Variants in TIAL1 observed in about 807,000 individuals in gnomAD.
TIAL1 encodes TIA1 cytotoxic granule associated RNA binding protein like 1, also known as nucleolysin TIAR.
In TIAL1, 7 loss-of-function variants were observed where a neutral mutation model predicts 59.7. The ratio of observed to expected loss-of-function variants is 0.12; its 90% confidence interval spans 0.07 to 0.22. TIAL1 has a LOEUF of 0.22. Ranked by LOEUF, TIAL1 falls within the 10% of genes least tolerant of loss-of-function variation. The pLI is 1.00. For missense variants in TIAL1, 225 were observed against 462.5 expected, an observed-to-expected ratio of 0.49 and a Z score of 4.71; for synonymous variants, 149 against 146.3, an observed-to-expected ratio of 1.02 and a Z score of -0.13.
At position 119,578,712 on chromosome 10, in the gene TIAL1, T is replaced by A; in HGVS notation, c.556+14A>T. On this transcript the variant is annotated intron_variant, in intron 7 of 11. Coordinates refer to ENST00000436547, the MANE Select transcript of TIAL1 (RefSeq NM_003252.4). ...AAGAATATAATTTTAACACACACAG[T>A]GGACATATCTTACTTTCTTGTGTAC... 1.3e-6 allele frequency: 2 copies of A among 1,580,272 alleles called. No individual in the cohort carries two copies. Among genetic ancestry groups the A allele is most frequent in the Non-Finnish European group, 1.7e-6 (2 of 1,149,128 alleles).
rs1844944555 is a variant in TIAL1 at position 119,575,584 on chromosome 10, C to T, written c.*81G>A. On this transcript the variant is annotated 3_prime_UTR_variant, in exon 12 of 12. Transcript: ENST00000436547. ...TTTTAAAATAAATATTTTCATTTTC[C>T]GATGTCTACTTTCATGTCTTCAGAG... 18 of 1,530,808 alleles carry T rather than the reference C, an allele frequency of 1.2e-5. No homozygotes were observed. The highest frequency in any genetic ancestry group is 3.4e-5 in the South Asian group (3 of 87,044). 94.8% of individuals were successfully genotyped at this position (1,530,808 alleles called of 1,614,324 possible). A position where few individuals can be genotyped will look rare whatever the true frequency, so the allele number is the denominator to read the frequency against.
intron 1 of TIAL1, among the ~76,000 whole-genome samples, chr10:119,593,093 T>G (rs1197380334): frequency 1.3e-5 from 2 of 152,234 alleles, no homozygotes; most frequent in Non-Finnish European, 2.9e-5. Context: ...AATAAAACAC[T>G]ATTACAATTT....
At chr10:119,577,764 T>C in intron 7 of TIAL1, 28 bp from the exon 8 acceptor site, 1 of 1,545,552 alleles carries the variant, frequency 6.5e-7, no homozygotes, top group Non-Finnish European at 8.9e-7. Flanking sequence ...ACAAAAACGT[T>C]GACTGTTATA....
chr10:119,583,348 A>G (rs1845387519), intron 2 of TIAL1, among the ~76,000 whole-genome samples: 1 of 152,158 alleles, frequency 6.6e-6, no homozygotes, highest in Non-Finnish European at 1.5e-5. Flanking sequence ...TCTATATTAA[A>G]TATATTCTGC....
At chr10:119,589,913 T>C (rs770161887) in intron 1 of TIAL1, among the ~76,000 whole-genome samples, 1 of 152,202 alleles carries the variant, frequency 6.6e-6, no homozygotes, top group African/African-American at 2.4e-5. Flanking sequence ...GATTTCTTTT[T>C]CTACTTGTAA....
intron 5 of TIAL1, chr10:119,580,237 C>T: frequency 2.3e-6 from 1 of 437,998 alleles, no homozygotes; most frequent in Non-Finnish European, 3.9e-6. Context: ...ATAGCCTGTG[C>T]TTTCTAAACT....
chr10:119,580,071 A>C, intron 5 of TIAL1, 61 bp from the exon 6 acceptor site: 2 of 1,336,294 alleles, frequency 1.5e-6, no homozygotes, highest in Non-Finnish European at 2.1e-6. Flanking sequence ...TAAAAACTAA[A>C]AGGAACCACA....
chr10:119,589,912 T>C (rs1017295714), intron 1 of TIAL1, among the ~76,000 whole-genome samples: 4 of 152,234 alleles, frequency 2.6e-5, no homozygotes, highest in Non-Finnish European at 5.9e-5. Context: ...AGATTTCTTT[T>C]TCTACTTGTA....
intron 1 of TIAL1, among the ~76,000 whole-genome samples, chr10:119,590,800 G>GAAAGAAAGAAAA (rs1554867664): frequency 3.8e-4 from 54 of 141,396 alleles, no homozygotes; most frequent in Admixed American, 1.2e-3. Flanking sequence ...AAGAAAGAAA[G>GAAAGAAAGAAAA]AAAGAAAGAA....
rs777011725 is a variant in TIAL1 at position 119,575,708 on chromosome 10, G to C, written c.1085C>G (p.Pro362Arg). Residue 362 changes from proline to arginine, a missense_variant, in exon 12 of 12, where the codon CCT (proline) becomes CGT (arginine). Physicochemically the swap from Pro to Arg is moderately radical, Grantham distance 103 (BLOSUM62 -2). Transcript: ENST00000436547. The part of the protein sequence containing the change: ...GQAPPPVIPP[P>R]NQAGYGMASY... ...TGCCATACCATATCCGGCTTGGTTA[G>C]GAGGAGGTATTACAGGGGGAGGAGC... 1.9e-5 allele frequency: 30 copies of C among 1,612,382 alleles called. No homozygotes were observed. The highest frequency in any genetic ancestry group is 2.5e-5 in the Non-Finnish European group (29 of 1,179,372).
At chr10:119,576,471 G>T in intron 11 of TIAL1, 140 bp downstream of exon 11, 4 of 1,143,144 alleles carry the variant, frequency 3.5e-6, no homozygotes, top group East Asian at 4.9e-5. Context: ...ATCATATTTT[G>T]TTAGATTAGT....
At chr10:119,591,020 T>C (rs1374762536) in intron 1 of TIAL1, among the ~76,000 whole-genome samples, 2 of 152,186 alleles carry the variant, frequency 1.3e-5, no homozygotes, top group African/African-American at 4.8e-5. Flanking sequence ...TCCATTACTG[T>C]TTAAACATCA....
rs1845667294 is a variant in TIAL1 at position 119,588,197 on chromosome 10, C to T, written c.84G>A (p.Leu28=). Residue 28 remains leucine (L), a synonymous_variant, in exon 2 of 12, where the codon TTG becomes TTA. Transcript: ENST00000436547. The stretch of plus-strand genomic sequence containing the variant: ...TTTTACAGGGTCCAATCTGACTGAA[C>T]AACTGAAGTATAAGGACTTCTGTCA... ...RDVTEVLILQ[L]FSQIGPCKSC... 6.3e-7 allele frequency: 1 copy of T among 1,599,252 alleles called. No individual in the cohort carries two copies. The highest frequency in any genetic ancestry group is 8.5e-7 in the Non-Finnish European group (1 of 1,171,364).
chr10:119,578,934 A>G (rs1845168113), intron 6 of TIAL1, 100 bp from the exon 7 acceptor site: 1 of 851,364 alleles, frequency 1.2e-6, no homozygotes. Flanking sequence ...CATACAAATC[A>G]GTAGATGAAT....
rs78990900 is a variant in TIAL1 at position 119,576,727 on chromosome 10, T to C, written c.885A>G (p.Gln295=). The C allele has an allele frequency of 2.3e-3, 3,730 of 1,613,940 alleles. 77 individuals carry two copies. The African/African-American group carries it at 0.043, about 19-fold the overall frequency. The change falls in exon 11 of 12, where the codon CAA becomes CAG. Residue 295 remains glutamine, a synonymous_variant. Transcript: ENST00000436547. The stretch of plus-strand genomic sequence containing the variant: ...GTGGGTTTCCATACACTTGGCTCCA[T>C]TGGCCCCATTGACTATAGTCAACCT... The part of the protein sequence containing the change: ...FQQVDYSQWG[Q]WSQVYGNPQQ...
At position 119,574,486 on chromosome 10, in the gene TIAL1, C is replaced by G. The variant is rs1435444132; in HGVS notation, c.*1179G>C. On this transcript the variant is annotated 3_prime_UTR_variant, in exon 12 of 12. Coordinates refer to ENST00000436547, the MANE Select transcript of TIAL1 (RefSeq NM_003252.4). Reference sequence around the variant, plus strand: ...TATATCTTAATTTTTAAAAACACCCCAAGATTTTTAAAAAACACTTGTACT... The same window carrying G: ...TATATCTTAATTTTTAAAAACACCCGAAGATTTTTAAAAAACACTTGTACT... The G allele has an allele frequency of 7.2e-6, 1 of 139,856 alleles. No individual in the cohort carries two copies. Among genetic ancestry groups the G allele is most frequent in the Non-Finnish European group, 1.5e-5 (1 of 65,614 alleles). The allele number at this position is 139,856 out of a possible 1,614,324, so 8.7% of individuals were successfully genotyped here. A position where few individuals can be genotyped will look rare whatever the true frequency, so the allele number is the denominator to read the frequency against.
At chr10:119,595,231 C>T (rs1002390711) in intron 1 of TIAL1, among the ~76,000 whole-genome samples, 3 of 151,958 alleles carry the variant, frequency 2.0e-5, no homozygotes, top group African/African-American at 7.3e-5. Flanking sequence ...TCTCGAGTGC[C>T]CCTCCACCTT....
Position 119,596,424 on chromosome 10 carries a change from G to C in TIAL1, c.32+10C>G, listed in dbSNP as rs1174542174. 1.2e-6 allele frequency: 2 copies of C among 1,610,802 alleles called. No homozygotes were observed. Among genetic ancestry groups the C allele is most frequent in the African/African-American group, 2.7e-5 (2 of 74,752 alleles). ...CTTGGCGCCTGGCACCCCTCGTCTC[G>C]GGTACTCACAGAGTCCGGGGCTGCC... is the stretch of plus-strand genomic sequence containing the variant. On this transcript the variant is annotated intron_variant, in intron 1 of 11. Coordinates refer to ENST00000436547, the MANE Select transcript of TIAL1 (RefSeq NM_003252.4).
At chr10:119,580,117 C>G in intron 5 of TIAL1, 107 bp from the exon 6 acceptor site, 3 of 897,960 alleles carry the variant, frequency 3.3e-6, no homozygotes, top group Non-Finnish European at 4.9e-6. Flanking sequence ...AATAAAATTC[C>G]AGTTAGCCCT....
Sources: gnomAD v4.1 joint callset for allele counts (sites outside exome capture counted in the v4.1 genomes callset) on GRCh38, gnomAD v4.1.1 for gene constraint, MANE v1.5 for transcripts, NCBI Gene and HGNC (gene_info 2026-07-23, HGNC 2026-07-21) for gene names.